EYS: variants seen among roughly 807,000 people sequenced by gnomAD.
The protein encoded by EYS is EGF-like photoreceptor maintenance factor.
In EYS, 250 loss-of-function variants were observed where a neutral mutation model predicts 282.1. The observed-to-expected ratio is 0.89, with a 90% CI of 0.80 to 0.98. The LOEUF (loss-of-function observed/expected upper bound fraction) is 0.98. Ranked by LOEUF, EYS falls within the 50% of genes least tolerant of loss-of-function variation. The pLI is 0.00. For missense variants in EYS, 4,016 were observed against 3,709.0 expected, an observed-to-expected ratio of 1.08 and a Z score of -2.15; for synonymous variants, 1,355 against 1,282.9, an observed-to-expected ratio of 1.06 and a Z score of -1.20.
At chr6:64,547,804 C>T (rs565912008) in intron 26 of EYS, among the ~76,000 whole-genome samples, 13 of 152,180 alleles carry the variant, frequency 8.5e-5, no homozygotes, top group South Asian at 8.3e-4. Flanking sequence ...GCTCGGGCTG[C>T]GCAGGAGCCC....
chr6:64,134,893 A>T (rs1316332837), intron 31 of EYS, among the ~76,000 whole-genome samples: 2 of 152,114 alleles, frequency 1.3e-5, no homozygotes, highest in Admixed American at 1.3e-4. Flanking sequence ...TTTTCTGGGC[A>T]TATGCTAGGT....
chr6:65,049,670 A>G (rs1352558261), intron 13 of EYS, among the ~76,000 whole-genome samples: 4 of 151,792 alleles, frequency 2.6e-5, no homozygotes. Flanking sequence ...TCAGACCATT[A>G]TGAATTCAAT....
intron 11 of EYS, among the ~76,000 whole-genome samples, chr6:65,313,849 G>C (rs1413366235): frequency 6.6e-6 from 1 of 152,128 alleles, no homozygotes; most frequent in Non-Finnish European, 1.5e-5. Flanking sequence ...GAGCATGTTA[G>C]TTATCCTCTG....
intron 35 of EYS, among the ~76,000 whole-genome samples, chr6:63,952,988 G>T (rs1337151653): frequency 6.6e-6 from 1 of 152,094 alleles, no homozygotes; most frequent in Non-Finnish European, 1.5e-5. Flanking sequence ...TCCAAAAACT[G>T]GACAAGTCTT....
chr6:64,557,503 TTAAAG>T (rs1211937258), intron 26 of EYS, among the ~76,000 whole-genome samples: 1 of 152,016 alleles, frequency 6.6e-6, no homozygotes, highest in African/African-American at 2.4e-5. Context: ...TTTCTTTTCT[TTAAAG>T]TAATGGTGTT....
At chr6:65,610,978 C>T (rs529225194) in intron 2 of EYS, among the ~76,000 whole-genome samples, 18 of 151,996 alleles carry the variant, frequency 1.2e-4, no homozygotes, top group Non-Finnish European at 1.6e-4. Flanking sequence ...TCATTTTATA[C>T]GATTACAATT....
chr6:64,404,418 C>CAA (rs1554156097), intron 28 of EYS, among the ~76,000 whole-genome samples: 7 of 150,442 alleles, frequency 4.7e-5, no homozygotes, highest in Non-Finnish European at 8.9e-5. Flanking sequence ...TGTGTGCACG[C>CAA]ACGCGTGTGA....
chr6:65,654,421 G>T (rs190567731), intron 1 of EYS, among the ~76,000 whole-genome samples: 35 of 151,946 alleles, frequency 2.3e-4, no homozygotes, highest in African/African-American at 7.0e-4. Context: ...ACAACCCAAA[G>T]ATTTTTCCAA....
intron 36 of EYS, among the ~76,000 whole-genome samples, chr6:63,861,407 T>C (rs1255249208): frequency 6.6e-6 from 1 of 152,206 alleles, no homozygotes; most frequent in Non-Finnish European, 1.5e-5. Context: ...ACCACTCCAA[T>C]AGTCTTATAA....
chr6:64,763,393 G>A (rs1412361599), intron 22 of EYS, among the ~76,000 whole-genome samples: 1 of 152,132 alleles, frequency 6.6e-6, no homozygotes, highest in Non-Finnish European at 1.5e-5. Context: ...TGGAGAGAGA[G>A]ACAGAGCAAG....
intron 14 of EYS, among the ~76,000 whole-genome samples, chr6:64,980,972 A>G (rs1294439665): frequency 1.3e-5 from 2 of 151,478 alleles, no homozygotes; most frequent in Admixed American, 1.3e-4. Context: ...AAAACAAAAC[A>G]AAATAACAAA....
intron 22 of EYS, among the ~76,000 whole-genome samples, chr6:64,655,426 T>A (rs1768710174): frequency 6.6e-6 from 1 of 152,082 alleles, no homozygotes; most frequent in East Asian, 1.9e-4. Flanking sequence ...TTATTAATAT[T>A]TTATAAAAAA....
chr6:64,535,585 A>G (rs1764494003), intron 26 of EYS, among the ~76,000 whole-genome samples: 1 of 151,706 alleles, frequency 6.6e-6, no homozygotes, highest in African/African-American at 2.4e-5. Context: ...CAAAAAAAAA[A>G]AAAAAATCAG....
chr6:65,156,543 T>C (rs556316090), intron 12 of EYS, among the ~76,000 whole-genome samples: 1 of 151,026 alleles, frequency 6.6e-6, no homozygotes. Flanking sequence ...ATATAATCAT[T>C]GCTGAATATT....
chr6:63,861,617 G>A lies in EYS; in HGVS notation c.7228+2569C>T, dbSNP rs545374860. Among the ~76,000 whole-genome samples the A allele has an allele frequency of 1.4e-4, 22 of 152,290 alleles. No homozygotes were observed. The East Asian group carries it at 4.0e-3, about 28-fold the overall frequency. ...TGTACACTATTGCTATAGACTGAGT[G>A]TTTATGTGCCCCCTAGAATCACATG... On this transcript the variant is annotated intron_variant, in intron 36 of 42. Transcript: ENST00000503581.
At chr6:64,486,155 C>T (rs567298525) in intron 26 of EYS, among the ~76,000 whole-genome samples, 137 of 151,476 alleles carry the variant, frequency 9.0e-4, no homozygotes, top group Non-Finnish European at 1.5e-3. Context: ...TACTTAATTC[C>T]TGGGACTTAG....
chr6:63,879,191 T>C (rs1169023652), intron 35 of EYS, among the ~76,000 whole-genome samples: 1 of 152,196 alleles, frequency 6.6e-6, no homozygotes, highest in African/African-American at 2.4e-5. Flanking sequence ...CTGAAGAATA[T>C]ATAAATTTAG....
chr6:63,968,047 C>T (rs972276778), intron 35 of EYS, among the ~76,000 whole-genome samples: 1 of 152,184 alleles, frequency 6.6e-6, no homozygotes, highest in African/African-American at 2.4e-5. Context: ...TGTACTGTCA[C>T]AAGTACCACT....
intron 5 of EYS, among the ~76,000 whole-genome samples, chr6:65,488,509 C>G (rs1001142059): frequency 1.3e-5 from 2 of 152,278 alleles, no homozygotes; most frequent in Non-Finnish European, 1.5e-5. Context: ...ATTCCATGTT[C>G]ATGGATAGGA....
Sources: allele counts gnomAD v4.1 joint callset (sites outside exome capture counted in the v4.1 genomes callset), GRCh38; gene constraint gnomAD v4.1.1; transcripts MANE v1.5; gene names NCBI Gene and HGNC (gene_info 2026-07-23, HGNC 2026-07-21).